Variants in XAB2 observed in about 807,000 individuals in gnomAD.
XAB2 encodes the protein XPA binding protein 2, also known as pre-mRNA-splicing factor SYF1.
Under a neutral mutation model 113.4 loss-of-function variants are expected in XAB2, and 57 were observed. The observed-to-expected ratio is 0.50, with a 90% confidence interval of 0.41 to 0.63. The LOEUF (loss-of-function observed/expected upper bound fraction) is 0.63, where lower values mean the gene tolerates loss of function less well. XAB2 is among the 20% of genes least tolerant of loss of function. The pLI is 0.00. For missense variants in XAB2, 1,037 were observed against 1,233.3 expected (o/e 0.84, Z 2.38); for synonymous variants, 497 against 498.8 (o/e 1.00, Z 0.05).
rs4134857 is a variant in XAB2, at chr19:7,621,917, A to G, written c.1617+414T>C. The stretch of plus-strand genomic sequence containing the variant: ...GAATGAACTGTGCCCCCCTCAAAAC[A>G]TTCATATGCTCAAATCTTAACCCCC... On this transcript the variant is annotated intron_variant, in intron 12 of 18. Coordinates refer to ENST00000358368, the MANE Select transcript of XAB2 (RefSeq NM_020196.3). 1,414 of 215,126 alleles carry G rather than the reference A, an allele frequency of 6.6e-3. 28 individuals are homozygous for G. The highest frequency in any genetic ancestry group is 0.032 in the African/African-American group (1,352 of 42,870). 13.3% of individuals were successfully genotyped at this position (215,126 alleles called of 1,614,324 possible). A position where few individuals can be genotyped will look rare whatever the true frequency, so the allele number is the denominator to read the frequency against.
chr19:7,619,698 G>A (rs368601786), intron 18 of XAB2, 49 bp downstream of exon 18: 113 of 1,608,468 alleles, frequency 7.0e-5, no homozygotes, highest in Non-Finnish European at 9.2e-5. Context: ...CCTGTCCCCC[G>A]AGGCCCACCC....
rs756333810 is a variant in XAB2 at position 7,629,503 on chromosome 19, G to A, written c.25C>T (p.Arg9Trp). Residue 9 changes from arginine to tryptophan, a missense_variant, in exon 1 of 19, where the codon CGG becomes TGG. Coordinates refer to ENST00000358368, the MANE Select transcript of XAB2 (RefSeq NM_020196.3). MVVMARLS[R>W]PERPDLVFEE... is the part of the protein sequence containing the mutation. ...AAGACAAGGTCCGGCCGCTCGGGCC[G>A]CGAGAGTCGCGCCATCACCACCATT... The A allele has an allele frequency of 1.3e-4, 205 of 1,604,558 alleles. No individual in the cohort carries two copies. The highest frequency in any genetic ancestry group is 1.7e-4 in the Non-Finnish European group (199 of 1,175,886).
chr19:7,628,388 C>G lies in XAB2; in HGVS notation c.52-90G>C. 6.5e-7 allele frequency: 1 copy of G among 1,545,818 alleles called. No homozygotes were observed. Among genetic ancestry groups the G allele is most frequent in the Non-Finnish European group, 8.8e-7 (1 of 1,136,646 alleles). On this transcript the variant is annotated intron_variant, in intron 1 of 18. Transcript: ENST00000358368. This position sits in a 1 kb window ranked among gnomAD's most constrained non-coding sequence, Gnocchi z 4.6. ...CACTGCTGGGGCTCAGGTCCAAACT[C>G]CGGACTTTTACCTAGATCCCACCAC... is the stretch of plus-strand genomic sequence containing the variant.
At position 7,622,433 on chromosome 19, in the gene XAB2, G is replaced by A. The variant is rs141577981; in HGVS notation, c.1515C>T (p.Ala505=). 42 of 1,614,040 alleles carry A rather than the reference G, an allele frequency of 2.6e-5. No homozygotes were observed. Among genetic ancestry groups the A allele is most frequent in the African/African-American group, 9.3e-5 (7 of 74,916 alleles). Residue 505 remains alanine, a synonymous_variant, in exon 12 of 19, where the codon GCC becomes GCT. Coordinates refer to ENST00000358368, the MANE Select transcript of XAB2 (RefSeq NM_020196.3). ...GCAGGTCCAGGATGCGGTCGTACACGGCCTTGGTGGACTGCAGGGGTGGGG... is the reference window on the plus strand; with the variant it reads ...GCAGGTCCAGGATGCGGTCGTACACAGCCTTGGTGGACTGCAGGGGTGGGG... ...ESLGTFQSTK[A]VYDRILDLRI...
Position 7,623,961 on chromosome 19 carries a change from C to T in XAB2, c.968-79G>A. 2 of 1,449,556 alleles carry T rather than the reference C, an allele frequency of 1.4e-6. No homozygotes were observed. Among genetic ancestry groups the T allele is most frequent in the South Asian group, 1.4e-5 (1 of 73,198 alleles). 89.8% of individuals were successfully genotyped at this position (1,449,556 alleles called of 1,614,324 possible). On this transcript the variant is annotated intron_variant, in intron 7 of 18. Transcript: ENST00000358368. The surrounding 1 kb of genome is among the most constrained non-coding windows in gnomAD (Gnocchi z 4.6). ...GGATGCCACCGCCTCCACTCCCCACCCTCACTCCGCTCCAGCCCCCAGCCA... is the reference window on the plus strand; with the variant it reads ...GGATGCCACCGCCTCCACTCCCCACTCTCACTCCGCTCCAGCCCCCAGCCA...
At position 7,619,844 on chromosome 19, in the gene XAB2, G is replaced by A; in HGVS notation, c.2409C>T (p.Ser803=). ...SKILFVRSDA[S]REELAELAQQ... ...GTGCCAGCTCTGCCAGCTCCTCCCG[G>A]GAGGCGTCACTCCTAGGGACGGGCC... Residue 803 remains serine, a synonymous_variant, in exon 18 of 19, where the codon TCC becomes TCT. Transcript: ENST00000358368. The A allele has an allele frequency of 1.9e-6, 3 of 1,612,474 alleles. No homozygotes were observed. The highest frequency in any genetic ancestry group is 1.7e-6 in the Non-Finnish European group (2 of 1,179,916).
At position 7,628,255 on chromosome 19, in the gene XAB2, T is replaced by C. The variant is rs1244912767; in HGVS notation, c.95A>G (p.Gln32Arg). Residue 32 changes from glutamine (Q) to arginine (R), a missense_variant, in exon 2 of 19, where the codon CAA becomes CGA. Gln to Arg is a conservative substitution (Grantham distance 43). Transcript: ENST00000358368. The surrounding 1 kb of genome is among the most constrained non-coding windows in gnomAD (Gnocchi z 4.6). ...LPYEEEIMRN[Q>R]FSVKCWLRYI... ...GCGAAGCCAGCATTTGACAGAGAAT[T>C]GGTTCCGCATGATTTCCTCCTCATA... is the stretch of plus-strand genomic sequence containing the variant. 1 of 1,614,124 alleles carries C rather than the reference T, an allele frequency of 6.2e-7. No individual in the cohort carries two copies. Among genetic ancestry groups the C allele is most frequent in the Admixed American group, 1.7e-5 (1 of 60,028 alleles).
chr19:7,622,765 C>T lies in XAB2; in HGVS notation c.1368G>A (p.Leu456=). 6.2e-7 allele frequency: 1 copy of T among 1,614,010 alleles called. No individual in the cohort carries two copies. Among genetic ancestry groups the T allele is most frequent in the Non-Finnish European group, 8.5e-7 (1 of 1,180,020 alleles). Residue 456 remains leucine, a synonymous_variant, in exon 10 of 19, where the codon CTG becomes CTA. Coordinates refer to ENST00000358368, the MANE Select transcript of XAB2 (RefSeq NM_020196.3). ...HENYDEALRL[L]RKATALPARR... is the part of the protein sequence containing the mutation. The stretch of plus-strand genomic sequence containing the variant: ...CACAGCCTGGGCCTGTTCTCACTCG[C>T]AGCAGCCGCAAGGCCTCATCGTAGT...
chr19:7,620,566 G>A lies in XAB2; in HGVS notation c.2075C>T (p.Ser692Phe). Reference sequence around the variant, plus strand: ...CCCTACCCGGGGGTCACAGATCTGGGAGCAGAAGCTGTAGATGGCCCGGGC... The same window carrying A: ...CCCTACCCGGGGGTCACAGATCTGGAAGCAGAAGCTGTAGATGGCCCGGGC... ...DRARAIYSFC[S>F]QICDPRTTGA... The change falls in exon 15 of 19, where the codon TCC (serine) becomes TTC (phenylalanine). Residue 692 changes from serine (S) to phenylalanine (F), a missense_variant. Coordinates refer to ENST00000358368, the MANE Select transcript of XAB2 (RefSeq NM_020196.3). 6.2e-7 allele frequency: 1 copy of A among 1,613,432 alleles called. No individual in the cohort carries two copies. Among genetic ancestry groups the A allele is most frequent in the Non-Finnish European group, 8.5e-7 (1 of 1,179,946 alleles).
At position 7,627,374 on chromosome 19, in the gene XAB2, G is replaced by A. The variant is rs759854187; in HGVS notation, c.391C>T (p.Arg131Cys). ...GCCCGGAGGGCACGGTCGAAGGTGC[G>A]GCGGGTGTGTGTGACGCGCCCCTGG... Reference protein sequence around the residue: ...MDQGRVTHTRRTFDRALRALP... With the variant: ...MDQGRVTHTRCTFDRALRALP... Residue 131 changes from arginine to cysteine, a missense_variant, in exon 4 of 19, where the codon CGC becomes TGC. Physicochemically the swap from Arg to Cys is radical, Grantham distance 180. Transcript: ENST00000358368. This position sits in a 1 kb window ranked among gnomAD's most constrained non-coding sequence, Gnocchi z 4.5. 1.1e-5 allele frequency: 17 copies of A among 1,610,936 alleles called. No individual in the cohort carries two copies. In the African/African-American group the frequency reaches 1.1e-4, roughly 10 times the overall value.
chr19:7,623,250 G>C lies in XAB2; in HGVS notation c.1159C>G (p.Pro387Ala). 1.9e-6 allele frequency: 3 copies of C among 1,613,790 alleles called. No homozygotes were observed. Among genetic ancestry groups the C allele is most frequent in the Non-Finnish European group, 2.5e-6 (3 of 1,180,036 alleles). The change falls in exon 9 of 19, where the codon CCC becomes GCC. Residue 387 changes from proline (P) to alanine (A), a missense_variant. Physicochemically the swap from Pro to Ala is conservative, Grantham distance 27. Coordinates refer to ENST00000358368, the MANE Select transcript of XAB2 (RefSeq NM_020196.3). This position sits in a 1 kb window ranked among gnomAD's most constrained non-coding sequence, Gnocchi z 4.6. The stretch of plus-strand genomic sequence containing the variant: ...TGGGGCTTGCCTGTGGCCTTGAAGG[G>C]GTCCACCGTCTGCACAGCCTCTGTG... ...TYTEAVQTVD[P>A]FKATGKPHTL...
intron 4 of XAB2, among the ~76,000 whole-genome samples, chr19:7,626,758 C>T (rs1468289285): frequency 6.6e-6 from 1 of 152,156 alleles, no homozygotes; most frequent in African/African-American, 2.4e-5. Flanking sequence ...TAGTGTCCAG[C>T]CTGGGCCCCA....
In XAB2 at chr19:7,626,061, A is replaced by G; in HGVS notation, c.658-17T>C. 1 of 1,608,160 alleles carries G rather than the reference A, an allele frequency of 6.2e-7. No individual in the cohort carries two copies. Among genetic ancestry groups the G allele is most frequent in the Non-Finnish European group, 8.5e-7 (1 of 1,175,620 alleles). ...GTGCCACAGCTGCAGGGCATGGGGC[A>G]GTGGGGGAGAGTCTCAGGCTCAGTC... On this transcript the variant is annotated splice_polypyrimidine_tract_variant and intron_variant, in intron 5 of 18. Coordinates refer to ENST00000358368, the MANE Select transcript of XAB2 (RefSeq NM_020196.3).
chr19:7,625,401 G>A lies in XAB2; in HGVS notation c.822+479C>T, dbSNP rs754185897. Among the ~76,000 whole-genome samples the A allele has an allele frequency of 3.3e-4, 50 of 152,118 alleles. No individual in the cohort carries two copies. Among genetic ancestry groups the A allele is most frequent in the Non-Finnish European group, 6.5e-4 (44 of 68,012 alleles). On this transcript the variant is annotated intron_variant, in intron 6 of 18. Coordinates refer to ENST00000358368, the MANE Select transcript of XAB2 (RefSeq NM_020196.3). This position sits in a 1 kb window ranked among gnomAD's most constrained non-coding sequence, Gnocchi z 5.2. ...GACTCCAAGGCTGACGTGCCTGCGG[G>A]CAGGAGTGCTCCCCCACCCTCAGCA...
intron 1 of XAB2, 78 bp downstream of exon 1, chr19:7,629,399 G>A: frequency 6.5e-7 from 1 of 1,530,820 alleles, no homozygotes; most frequent in Non-Finnish European, 8.9e-7. Context: ...TCTCCTTGCC[G>A]ACCCAGCCTC....
chr19:7,620,212 A>G, intron 16 of XAB2, 63 bp downstream of exon 16: 1 of 1,605,902 alleles, frequency 6.2e-7, no homozygotes, highest in Non-Finnish European at 8.5e-7. Flanking sequence ...AGACCCGGAA[A>G]GCCCAGGTCA....
rs909639606 is a variant in XAB2, at chr19:7,628,843, C to T, written c.52-545G>A. 2.0e-5 allele frequency among the ~76,000 whole-genome samples: 3 copies of T among 152,224 alleles called. No individual in the cohort carries two copies. Among genetic ancestry groups the T allele is most frequent in the East Asian group, 3.8e-4 (2 of 5,206 alleles). ...CCCCCAGGATCCCACTAGCCAGCGTCTAGCTCAACTCTGCCCCAGAAATTA... is the reference window on the plus strand; with the variant it reads ...CCCCCAGGATCCCACTAGCCAGCGTTTAGCTCAACTCTGCCCCAGAAATTA... On this transcript the variant is annotated intron_variant, in intron 1 of 18. Coordinates refer to ENST00000358368, the MANE Select transcript of XAB2 (RefSeq NM_020196.3). This position sits in a 1 kb window ranked among gnomAD's most constrained non-coding sequence, Gnocchi z 4.6.
chr19:7,623,975 A>G lies in XAB2; in HGVS notation c.968-93T>C, dbSNP rs372538536. 86 of 1,418,466 alleles carry G rather than the reference A, an allele frequency of 6.1e-5. No homozygotes were observed. The African/African-American group carries it at 1.1e-3, about 18-fold the overall frequency. 87.9% of individuals were successfully genotyped at this position (1,418,466 alleles called of 1,614,324 possible). On this transcript the variant is annotated intron_variant, in intron 7 of 18. Transcript: ENST00000358368. The surrounding 1 kb of genome is among the most constrained non-coding windows in gnomAD (Gnocchi z 4.6). ...CCACTCCCCACCCTCACTCCGCTCC[A>G]GCCCCCAGCCAAGTGCTCTGGGCCC... is the stretch of plus-strand genomic sequence containing the variant.
At position 7,628,664 on chromosome 19, in the gene XAB2, T is replaced by C. The variant is rs781235275; in HGVS notation, c.52-366A>G. ...GCCAGTCCTGGACACCAGACCCCAC[T>C]TCTTCAAAACGTGCCTCTTCCCAGA... is the stretch of plus-strand genomic sequence containing the variant. On this transcript the variant is annotated intron_variant, in intron 1 of 18. Transcript: ENST00000358368. The surrounding 1 kb of genome is among the most constrained non-coding windows in gnomAD (Gnocchi z 4.6). 1.3e-5 allele frequency among the ~76,000 whole-genome samples: 2 copies of C among 151,994 alleles called. No individual in the cohort carries two copies. Among genetic ancestry groups the C allele is most frequent in the Non-Finnish European group, 2.9e-5 (2 of 67,990 alleles).
Sources: allele counts gnomAD v4.1 joint callset (sites outside exome capture counted in the v4.1 genomes callset), GRCh38; gene constraint gnomAD v4.1.1; non-coding constraint Gnocchi (gnomAD v3.1); transcripts MANE v1.5; gene names NCBI Gene and HGNC (gene_info 2026-07-23, HGNC 2026-07-21).